Variants in HIP1 observed in about 807,000 individuals in gnomAD.
HIP1 encodes the protein huntingtin interacting protein 1.
HIP1 carries 65 observed loss-of-function variants against 147.6 expected under a neutral mutation model. The ratio of observed to expected loss-of-function variants is 0.44; its 90% CI spans 0.36 to 0.54. HIP1 has a LOEUF of 0.54. Ranked by LOEUF, HIP1 falls within the 20% of genes least tolerant of loss-of-function variation. The pLI is 0.00. For missense variants in HIP1, 1,061 were observed against 1,299.6 expected, an observed-to-expected ratio of 0.82 and a Z score of 2.82; for synonymous variants, 479 against 504.0, an observed-to-expected ratio of 0.95 and a Z score of 0.67.
intron 28 of HIP1, 119 bp downstream of exon 28, chr7:75,542,732 G>T: frequency 1.0e-6 from 1 of 994,332 alleles, no homozygotes; most frequent in Non-Finnish European, 1.5e-6. Flanking sequence ...AAAATAAAAA[G>T]ATGAAAAATA....
At chr7:75,563,581 G>A (rs192863356) in intron 9 of HIP1, among the ~76,000 whole-genome samples, 42 of 152,350 alleles carry the variant, frequency 2.8e-4, no homozygotes, top group African/African-American at 8.9e-4. Flanking sequence ...GGAGTGTTTG[G>A]TTTAGAGTAA....
rs1305103254 is a variant in HIP1, at chr7:75,554,182, G to A, written c.2089C>T (p.His697Tyr). The change falls in exon 21 of 31, where the codon CAC (histidine) becomes TAC (tyrosine). Residue 697 changes from histidine (H) to tyrosine (Y), a missense_variant. His to Tyr is a moderately conservative substitution (Grantham distance 83). Around this residue, in one of 3 missense-constraint regions of HIP1, gnomAD observed 810 missense variants for 946.8 expected, o/e 0.86. Coordinates refer to ENST00000336926, the MANE Select transcript of HIP1 (RefSeq NM_005338.7). ...GLLHSITLLAHLTSDAIAHGA... is the reference protein window; with the variant it reads ...GLLHSITLLAYLTSDAIAHGA... ...TGAGCAATGGCGTCGCTGGTCAAGT[G>A]GGCCAGCAGGGTTATGGAATGGAGA... is the stretch of plus-strand genomic sequence containing the variant. 3.7e-6 allele frequency: 6 copies of A among 1,613,888 alleles called. No homozygotes were observed. The highest frequency in any genetic ancestry group is 3.3e-4 in the Middle Eastern group (2 of 6,084).
chr7:75,584,850 C>CTTT (rs5884971), intron 5 of HIP1, among the ~76,000 whole-genome samples: 1 of 142,678 alleles, frequency 7.0e-6, no homozygotes, highest in Admixed American at 7.1e-5. Flanking sequence ...CCATTTAACA[C>CTTT]TTTTTTTTTT....
At position 75,533,392 on chromosome 7, in the gene HIP1, G is replaced by C. The variant is rs587698525; in HGVS notation, c.*4780C>G. The stretch of plus-strand genomic sequence containing the variant: ...TAATACCATAATAAAAGTATTGTTG[G>C]AGGGAAACAGAAGCCAGTGGCCACC... On this transcript the variant is annotated 3_prime_UTR_variant, in exon 31 of 31. Coordinates refer to ENST00000336926, the MANE Select transcript of HIP1 (RefSeq NM_005338.7). The C allele has an allele frequency of 1.1e-3, 255 of 229,514 alleles. No individual in the cohort carries two copies. The highest frequency in any genetic ancestry group is 1.9e-3 in the Non-Finnish European group (217 of 115,824). The allele number at this position is 229,514 out of a possible 1,614,324, so 14.2% of individuals were successfully genotyped here.
intron 18 of HIP1, 128 bp from the exon 19 acceptor site, chr7:75,555,679 G>A (rs587695511): frequency 2.9e-6 from 3 of 1,025,126 alleles, no homozygotes; most frequent in East Asian, 5.0e-5. Flanking sequence ...CAGTAAGCCT[G>A]AGACAGAGAA....
intron 1 of HIP1, among the ~76,000 whole-genome samples, chr7:75,616,426 C>T (rs1009374750): frequency 2.0e-5 from 3 of 152,056 alleles, no homozygotes; most frequent in Admixed American, 6.6e-5. Context: ...CGCACCACCA[C>T]GCCAGGCTAA....
At chr7:75,640,264 T>C (rs1460140275) in intron 1 of HIP1, among the ~76,000 whole-genome samples, 1 of 152,140 alleles carries the variant, frequency 6.6e-6, no homozygotes, top group African/African-American at 2.4e-5. Flanking sequence ...CAACCCCACT[T>C]TATACGGAGA....
intron 30 of HIP1, 29 bp downstream of exon 30, chr7:75,539,294 G>T: frequency 1.3e-6 from 2 of 1,529,038 alleles, no homozygotes; most frequent in Non-Finnish European, 1.8e-6. Context: ...CCTGCTGCGG[G>T]TTAGTGCCCA....
chr7:75,614,646 C>T (rs1411277422), intron 1 of HIP1, among the ~76,000 whole-genome samples: 2 of 151,848 alleles, frequency 1.3e-5, no homozygotes, highest in South Asian at 2.1e-4. Flanking sequence ...ACAGTCATGT[C>T]GGTTGCACGA....
intron 1 of HIP1, among the ~76,000 whole-genome samples, chr7:75,615,860 C>T (rs587739999): frequency 1.3e-5 from 2 of 151,646 alleles, no homozygotes; most frequent in South Asian, 2.1e-4. Context: ...CTGAGGCAGG[C>T]GGATCACCTG....
intron 1 of HIP1, among the ~76,000 whole-genome samples, chr7:75,614,077 G>C (rs187640092): frequency 5.3e-5 from 8 of 152,290 alleles, no homozygotes; most frequent in Middle Eastern, 6.8e-3. Context: ...ACCACACCTG[G>C]CTAATTTTTA....
chr7:75,552,739 CA>C (rs1459703251), intron 22 of HIP1, among the ~76,000 whole-genome samples: 1 of 152,128 alleles, frequency 6.6e-6, no homozygotes, highest in African/African-American at 2.4e-5. Context: ...TCCTCAGAGA[CA>C]GGGGAGCTGC....
At chr7:75,664,067 T>C (rs1554514127) in intron 1 of HIP1, among the ~76,000 whole-genome samples, 1 of 75,430 alleles carries the variant, frequency 1.3e-5, no homozygotes, top group Non-Finnish European at 2.8e-5. Context: ...CACATATATG[T>C]GTATATACAC....
At chr7:75,576,913 T>C (rs1795864831) in intron 7 of HIP1, among the ~76,000 whole-genome samples, 1 of 152,208 alleles carries the variant, frequency 6.6e-6, no homozygotes, top group Non-Finnish European at 1.5e-5. Flanking sequence ...TTCTGAAATA[T>C]GCCTGAAATA....
chr7:75,570,993 G>A (rs900308125), intron 8 of HIP1, among the ~76,000 whole-genome samples: 1 of 152,076 alleles, frequency 6.6e-6, no homozygotes, highest in Non-Finnish European at 1.5e-5. Context: ...CTGGGCAACA[G>A]AGCGAGACCC....
At chr7:75,704,878 T>C (rs17148813) in intron 1 of HIP1, among the ~76,000 whole-genome samples, 12,305 of 152,268 alleles carry the variant, frequency 0.081, 771 homozygotes, top group East Asian at 0.19. Context: ...TGGCCAACTA[T>C]GTGGATAATG....
intron 1 of HIP1, among the ~76,000 whole-genome samples, chr7:75,635,590 A>C (rs1394361564): frequency 6.6e-6 from 1 of 151,488 alleles, no homozygotes; most frequent in Non-Finnish European, 1.5e-5. Context: ...AAAAAAAAAA[A>C]AAAAAAAGAA....
At chr7:75,555,926 C>T (rs1794984413) in intron 18 of HIP1, 100 bp downstream of exon 18, 2 of 1,452,780 alleles carry the variant, frequency 1.4e-6, no homozygotes, top group Admixed American at 1.9e-5. Context: ...GCCCCAAACC[C>T]CTTCTCAGCA....
intron 1 of HIP1, among the ~76,000 whole-genome samples, chr7:75,671,362 G>T (rs1554515283): frequency 6.6e-6 from 1 of 152,138 alleles, no homozygotes; most frequent in East Asian, 1.9e-4. Context: ...CCAAAGTGCT[G>T]GGATTACAGA....
Sources: gnomAD v4.1 joint callset for allele counts (sites outside exome capture counted in the v4.1 genomes callset) on GRCh38, gnomAD v4.1.1 for gene constraint, gnomAD v4.1.1 regional missense constraint, MANE v1.5 for transcripts, NCBI Gene and HGNC (gene_info 2026-07-23, HGNC 2026-07-21) for gene names.